Variants in APOLD1 observed in about 807,000 individuals in gnomAD.
The protein encoded by APOLD1 is apolipoprotein L domain containing 1.
APOLD1 carries 22 observed loss-of-function variants against 15.3 expected under a neutral mutation model. The ratio of observed to expected loss-of-function variants is 1.44; its 90% CI spans 1.03 to 2.05. The LOEUF (loss-of-function observed/expected upper bound fraction) is 2.05. APOLD1 is among the 30% of genes most tolerant of loss of function. APOLD1 has a pLI of 0.00. For synonymous variants in APOLD1, 190 were observed against 167.4 expected, an observed-to-expected ratio of 1.13 and a Z score of -1.04; for missense variants, 394 against 353.5, an observed-to-expected ratio of 1.11 and a Z score of -0.92.
chr12:12,749,800 G>A (rs1286840483), intron 1 of APOLD1, among the ~76,000 whole-genome samples: 1 of 152,158 alleles, frequency 6.6e-6, no homozygotes, highest in African/African-American at 2.4e-5. Flanking sequence ...GTGTACTTTC[G>A]TTTTCAATAA....
chr12:12,737,417 C>A (rs958808829), intron 1 of APOLD1, among the ~76,000 whole-genome samples: 4 of 152,148 alleles, frequency 2.6e-5, no homozygotes, highest in South Asian at 4.1e-4. Context: ...TTTTGGAGTT[C>A]ATTGAAGTGA....
intron 1 of APOLD1, among the ~76,000 whole-genome samples, chr12:12,734,635 G>T (rs7977548): frequency 0.18 from 27,571 of 152,092 alleles, 2,836 homozygotes; most frequent in Admixed American, 0.27. Context: ...TATTTTTCAG[G>T]GAAGCTAGAG....
chr12:12,766,817 G>A (rs1046436402), intron 1 of APOLD1, among the ~76,000 whole-genome samples: 2 of 151,304 alleles, frequency 1.3e-5, no homozygotes, highest in African/African-American at 4.9e-5. Flanking sequence ...CTCCAACCTG[G>A]GTGACAGAGT....
chr12:12,765,728 G>T (rs775733676), intron 1 of APOLD1, among the ~76,000 whole-genome samples: 3 of 152,044 alleles, frequency 2.0e-5, no homozygotes, highest in Non-Finnish European at 4.4e-5. Flanking sequence ...AAATTAGCTG[G>T]GTGTGGTGGC....
At chr12:12,747,870 T>G (rs1946778928) in intron 1 of APOLD1, among the ~76,000 whole-genome samples, 1 of 152,236 alleles carries the variant, frequency 6.6e-6, no homozygotes, top group Non-Finnish European at 1.5e-5. Context: ...GCGCTGGGTC[T>G]TGTTCTTGGT....
intron 1 of APOLD1, among the ~76,000 whole-genome samples, chr12:12,726,586 C>CA (rs1946595335): frequency 6.6e-6 from 1 of 152,194 alleles, no homozygotes; most frequent in African/African-American, 2.4e-5. Flanking sequence ...TGCATAGATA[C>CA]ACACCTTTTT....
Position 12,729,355 on chromosome 12 carries a change from T to TA in APOLD1, c.96+3259_96+3260insA, listed in dbSNP as rs201026342. Among the ~76,000 whole-genome samples the TA allele has an allele frequency of 2.6e-4, 30 of 113,326 alleles. No homozygotes were observed. The Admixed American group carries it at 2.7e-3, about 10-fold the overall frequency. 74.3% of individuals were successfully genotyped at this position (113,326 alleles called of 152,430 possible). ...TGCAAGGAGAAACCTCAAAGGATTT[T>TA]TAAAAAAATCTCAGAGTTGGGGAAA... On this transcript the variant is annotated intron_variant, in intron 1 of 1. Transcript: ENST00000326765.
intron 1 of APOLD1, among the ~76,000 whole-genome samples, chr12:12,765,223 C>A (rs1175487517): frequency 1.3e-5 from 2 of 152,076 alleles, no homozygotes; most frequent in African/African-American, 4.8e-5. Flanking sequence ...ATGAAAGTTT[C>A]ATTTTAAAAA....
intron 1 of APOLD1, among the ~76,000 whole-genome samples, chr12:12,755,270 T>G (rs1170846306): frequency 2.0e-5 from 3 of 152,138 alleles, no homozygotes; most frequent in African/African-American, 7.2e-5. Context: ...CCTAGCTCAC[T>G]TCATATAACA....
chr12:12,758,347 C>G (rs1406491013), intron 1 of APOLD1, among the ~76,000 whole-genome samples: 6 of 151,946 alleles, frequency 3.9e-5, no homozygotes, highest in African/African-American at 1.5e-4. Flanking sequence ...GAGTTCGAGA[C>G]CAGCCTGGTC....
upstream of APOLD1, among the ~76,000 whole-genome samples, chr12:12,784,486 G>A (rs763684591): frequency 2.6e-5 from 4 of 152,124 alleles, no homozygotes; most frequent in East Asian, 3.9e-4. Context: ...GAATAATCAA[G>A]TTTGAAAGGA....
chr12:12,727,201 T>C (rs1001789244), intron 1 of APOLD1, among the ~76,000 whole-genome samples: 1 of 152,198 alleles, frequency 6.6e-6, no homozygotes. Context: ...CTAGTCCAAA[T>C]TGAGATGTGC....
At chr12:12,786,030 A>G (rs1947121431) in intron 1 of APOLD1, among the ~76,000 whole-genome samples, 1 of 152,190 alleles carries the variant, frequency 6.6e-6, no homozygotes, top group African/African-American at 2.4e-5. Flanking sequence ...TGCAACTAGG[A>G]TGAATATACT....
At chr12:12,778,533 G>T (rs1947055646) in intron 1 of APOLD1, among the ~76,000 whole-genome samples, 1 of 149,494 alleles carries the variant, frequency 6.7e-6, no homozygotes, top group Non-Finnish European at 1.5e-5. Context: ...TCACTGTGTT[G>T]CCCAGGCTGA....
intron 1 of APOLD1, among the ~76,000 whole-genome samples, chr12:12,758,034 T>G (rs1255312310): frequency 6.7e-6 from 1 of 148,878 alleles, no homozygotes; most frequent in East Asian, 2.0e-4. Context: ...CAAGTGATTC[T>G]CCTGCCTCAG....
chr12:12,787,372 G>A lies in APOLD1; in HGVS notation c.467G>A (p.Gly156Glu). The change falls in exon 2 of 2, where the codon GGG becomes GAG. Residue 156 changes from glycine (G) to glutamate (E), a missense_variant. By Grantham distance (98) the Gly-to-Glu change is moderately conservative. Coordinates refer to ENST00000356591, the MANE Select transcript of APOLD1 (RefSeq NM_030817.3). This position sits in a 1 kb window ranked among gnomAD's most constrained non-coding sequence, Gnocchi z 4.9. Reference sequence around the variant, plus strand: ...GGGGACCGCCAGCTGCTGCAGTGCGGGAGGAACGCCTCCATCGCCCTGTAC... The same window carrying A: ...GGGGACCGCCAGCTGCTGCAGTGCGAGAGGAACGCCTCCATCGCCCTGTAC... ...GCGDRQLLQCGRNASIALYNS... is the reference protein window; with the variant it reads ...GCGDRQLLQCERNASIALYNS... 6.2e-7 allele frequency: 1 copy of A among 1,614,134 alleles called. No homozygotes were observed.
rs529565909 is a variant in APOLD1 at position 12,786,962 on chromosome 12, C to T, written c.57C>T (p.Arg19=). ...REPHGPDALR[R]FQGLLLDRRG... ...CGCATGGGCCCGACGCGCTGCGGCG[C>T]TTCCAGGGACTGCTGCTGGACCGCC... is the stretch of plus-strand genomic sequence containing the variant. Residue 19 remains arginine (R), a synonymous_variant, in exon 2 of 2, where the codon CGC becomes CGT. Coordinates refer to ENST00000356591, the MANE Select transcript of APOLD1 (RefSeq NM_030817.3). 1.6e-5 allele frequency: 24 copies of T among 1,458,630 alleles called. No homozygotes were observed. The highest frequency in any genetic ancestry group is 2.1e-5 in the Non-Finnish European group (23 of 1,114,886). 90.4% of individuals were successfully genotyped at this position (1,458,630 alleles called of 1,614,324 possible). A position where few individuals can be genotyped will look rare whatever the true frequency, so the allele number is the denominator to read the frequency against.
intron 1 of APOLD1, among the ~76,000 whole-genome samples, chr12:12,728,680 A>G (rs1946613505): frequency 6.6e-6 from 1 of 150,452 alleles, no homozygotes; most frequent in South Asian, 2.1e-4. Context: ...AAAAAAAAAA[A>G]AAAAAAAAAA....
At chr12:12,780,542 A>C (rs1436514145) in intron 1 of APOLD1, among the ~76,000 whole-genome samples, 1 of 151,656 alleles carries the variant, frequency 6.6e-6, no homozygotes, top group Non-Finnish European at 1.5e-5. Context: ...CTTTGGACTA[A>C]ACCTCACATT....
Sources: gnomAD v4.1 joint callset for allele counts (sites outside exome capture counted in the v4.1 genomes callset) on GRCh38, gnomAD v4.1.1 for gene constraint, Gnocchi (gnomAD v3.1) non-coding constraint, MANE v1.5 for transcripts, NCBI Gene and HGNC (gene_info 2026-07-23, HGNC 2026-07-21) for gene names.